The following NUDCD3 variants were observed in gnomAD, a reference collection of about 807,000 sequenced individuals.
NUDCD3 encodes NudC domain containing 3.
Under a neutral mutation model 39.7 loss-of-function variants are expected in NUDCD3, and 13 were observed. The observed-to-expected ratio is 0.33, with a 90% CI of 0.21 to 0.52. The LOEUF is 0.52. NUDCD3 is among the 20% of genes least tolerant of loss of function. The pLI is 0.96. For missense variants in NUDCD3, 453 were observed against 458.1 expected (o/e 0.99, Z 0.10); for synonymous variants, 175 against 172.4 (o/e 1.02, Z -0.12).
intron 2 of NUDCD3, among the ~76,000 whole-genome samples, chr7:44,447,260 T>C (rs1022969785): frequency 4.6e-5 from 7 of 152,130 alleles, no homozygotes; most frequent in Non-Finnish European, 8.8e-5. Flanking sequence ...AGGAAGACAA[T>C]AAAAATAATT....
At chr7:44,456,025 C>CAAAAA (rs1233592095) in intron 2 of NUDCD3, among the ~76,000 whole-genome samples, 15 of 28,494 alleles carry the variant, frequency 5.3e-4, no homozygotes, top group Admixed American at 2.0e-3. Context: ...GACTCCGTCT[C>CAAAAA]AAAAAAAAAA....
At chr7:44,388,877 A>G (rs1798455137) in intron 5 of NUDCD3, among the ~76,000 whole-genome samples, 1 of 152,266 alleles carries the variant, frequency 6.6e-6, no homozygotes, top group Non-Finnish European at 1.5e-5. Flanking sequence ...AGTCTACAGC[A>G]GAATAGATTT....
intron 2 of NUDCD3, among the ~76,000 whole-genome samples, chr7:44,480,557 T>C (rs1014093392): frequency 3.9e-5 from 6 of 152,168 alleles, no homozygotes; most frequent in African/African-American, 9.7e-5. Flanking sequence ...GCAGCAGATA[T>C]AGTCAGCCCT....
chr7:44,404,643 C>T (rs1188853682), intron 3 of NUDCD3, 60 bp from the exon 4 acceptor site: 13 of 1,569,874 alleles, frequency 8.3e-6, no homozygotes, highest in South Asian at 4.6e-5. Flanking sequence ...GTGTGCTGTA[C>T]GGTGGGAGTG....
intron 4 of NUDCD3, among the ~76,000 whole-genome samples, chr7:44,393,930 G>A (rs1405899639): frequency 1.3e-5 from 2 of 152,050 alleles, no homozygotes; most frequent in Non-Finnish European, 2.9e-5. Context: ...CAGTATACAC[G>A]GGCTTGAGAG....
chr7:44,402,791 C>T (rs1798749961), intron 4 of NUDCD3: 19 of 434,692 alleles, frequency 4.4e-5, no homozygotes, highest in South Asian at 3.1e-4. Context: ...GAGATGGCAA[C>T]CCCAGGATCA....
Position 44,439,329 on chromosome 7 carries a change from T to C in NUDCD3, c.510-11626A>G, listed in dbSNP as rs1047123397. Among the ~76,000 whole-genome samples the C allele has an allele frequency of 3.6e-4, 55 of 152,070 alleles. 1 individual carries two copies. The highest frequency in any genetic ancestry group is 1.3e-3 in the African/African-American group (54 of 41,384). On this transcript the variant is annotated intron_variant, in intron 2 of 5. Transcript: ENST00000355451. ...ACAGCTCATGTTTAGTTCCTATACA[T>C]CCAGGTAGAGAGGTAAAAAAGAGGT...
intron 2 of NUDCD3, among the ~76,000 whole-genome samples, chr7:44,433,181 G>A (rs571683982): frequency 9.2e-5 from 14 of 152,312 alleles, no homozygotes; most frequent in Non-Finnish European, 2.1e-4. Context: ...CCAACATCCA[G>A]AACTGTGAGA....
chr7:44,425,680 A>T (rs1355401286), intron 3 of NUDCD3, among the ~76,000 whole-genome samples: 1 of 152,152 alleles, frequency 6.6e-6, no homozygotes, highest in Non-Finnish European at 1.5e-5. Context: ...CCTGGGAAAC[A>T]GCAGGACCCT....
intron 2 of NUDCD3, among the ~76,000 whole-genome samples, chr7:44,464,155 A>T (rs1393996134): frequency 2.0e-5 from 3 of 150,968 alleles, no homozygotes; most frequent in Non-Finnish European, 3.0e-5. Context: ...AAGAGGTTGC[A>T]GTGAGCCAAG....
At chr7:44,449,380 A>G (rs1027810639) in intron 2 of NUDCD3, among the ~76,000 whole-genome samples, 2 of 152,246 alleles carry the variant, frequency 1.3e-5, no homozygotes, top group Non-Finnish European at 2.9e-5. Context: ...GAAGTTGTCC[A>G]TAGCTTGTGA....
In NUDCD3 at chr7:44,404,594, A is replaced by G. The variant is rs1309146203; in HGVS notation, c.643-11T>C. On this transcript the variant is annotated splice_polypyrimidine_tract_variant and intron_variant, in intron 3 of 5. Coordinates refer to ENST00000355451, the MANE Select transcript of NUDCD3 (RefSeq NM_015332.4). ...AAGGGCCACTGAGACCTGGGGACACAGCAGAAGAAAATCATCTCTCCTATC... is the reference window on the plus strand; with the variant it reads ...AAGGGCCACTGAGACCTGGGGACACGGCAGAAGAAAATCATCTCTCCTATC... The G allele has an allele frequency of 6.2e-7, 1 of 1,612,676 alleles. No individual in the cohort carries two copies. Among genetic ancestry groups the G allele is most frequent in the South Asian group, 1.1e-5 (1 of 91,022 alleles).
intron 3 of NUDCD3, among the ~76,000 whole-genome samples, chr7:44,412,283 C>A (rs1798941647): frequency 6.6e-6 from 1 of 152,210 alleles, no homozygotes; most frequent in South Asian, 2.1e-4. Context: ...GTTTAAAACC[C>A]AGAGTACTCA....
At position 44,483,168 on chromosome 7, in the gene NUDCD3, C is replaced by G. The variant is rs1800529887; in HGVS notation, c.509+1800G>C. ...ATGAGTAAATCTTAATCAAATTGCT[C>G]AAACTAATGATAATAACTTCAAGGA... On this transcript the variant is annotated intron_variant, in intron 2 of 5. Coordinates refer to ENST00000355451, the MANE Select transcript of NUDCD3 (RefSeq NM_015332.4). Among the ~76,000 whole-genome samples the G allele has an allele frequency of 3.3e-5, 5 of 151,976 alleles. No homozygotes were observed. In the South Asian group the frequency reaches 1.0e-3, roughly 32 times the overall value.
At chr7:44,439,097 A>G (rs139666937) in intron 2 of NUDCD3, among the ~76,000 whole-genome samples, 77 of 152,290 alleles carry the variant, frequency 5.1e-4, no homozygotes, top group African/African-American at 1.8e-3. Flanking sequence ...AGGAGTAGCG[A>G]GTGAGCACTG....
At chr7:44,471,073 T>G (rs892798124) in intron 2 of NUDCD3, among the ~76,000 whole-genome samples, 3 of 152,246 alleles carry the variant, frequency 2.0e-5, no homozygotes, top group African/African-American at 7.2e-5. Context: ...TGAACAAAGT[T>G]CCTGCCTTGC....
Position 44,452,058 on chromosome 7 carries a change from T to G in NUDCD3, c.510-24355A>C, listed in dbSNP as rs192066136. On this transcript the variant is annotated intron_variant, in intron 2 of 5. Transcript: ENST00000355451. ...TGTGCTACGAGGATGGTGGCTGCCTTGATTCAAAACTAAATACAAACCAGA... is the reference window on the plus strand; with the variant it reads ...TGTGCTACGAGGATGGTGGCTGCCTGGATTCAAAACTAAATACAAACCAGA... Among the ~76,000 whole-genome samples the G allele has an allele frequency of 9.8e-3, 1,494 of 152,218 alleles. 21 individuals carry two copies. Among genetic ancestry groups the G allele is most frequent in the Non-Finnish European group, 0.012 (836 of 68,002 alleles).
intron 5 of NUDCD3, 71 bp from the exon 6 acceptor site, chr7:44,386,192 G>A (rs1798399465): frequency 2.0e-6 from 3 of 1,527,734 alleles, no homozygotes; most frequent in Non-Finnish European, 2.7e-6. Context: ...AGCAGACTCT[G>A]ACTGCAGGTA....
At chr7:44,392,207 A>T in intron 5 of NUDCD3, 90 bp downstream of exon 5, 1 of 1,302,102 alleles carries the variant, frequency 7.7e-7, no homozygotes, top group Non-Finnish European at 1.1e-6. Flanking sequence ...CTTCTTCCCC[A>T]CCGTCATCAC....
Sources: allele counts gnomAD v4.1 joint callset (sites outside exome capture counted in the v4.1 genomes callset), GRCh38; gene constraint gnomAD v4.1.1; transcripts MANE v1.5; gene names NCBI Gene and HGNC (gene_info 2026-07-23, HGNC 2026-07-21).